The following S100A10 variants were observed in gnomAD, a reference collection of about 807,000 sequenced individuals.
S100A10 encodes protein S100-A10.
Under a neutral mutation model 7.1 loss-of-function variants are expected in S100A10, and 3 were observed. That is an observed-to-expected ratio of 0.42 (90% CI 0.19 to 1.10). The LOEUF (loss-of-function observed/expected upper bound fraction) is 1.10. Ranked by LOEUF, S100A10 falls within the 50% of genes least tolerant of loss-of-function variation. S100A10 has a pLI of 0.29. For synonymous variants in S100A10, 41 were observed against 39.3 expected (o/e 1.04, Z -0.16); for missense variants, 101 against 118.1 (o/e 0.86, Z 0.67).
intron 1 of S100A10, among the ~76,000 whole-genome samples, chr1:151,990,275 T>C (rs1655878757): frequency 6.6e-6 from 1 of 152,258 alleles, no homozygotes; most frequent in Admixed American, 6.5e-5. Flanking sequence ...ATATGTGTCC[T>C]GCTAAACAGG....
Position 151,986,050 on chromosome 1 carries a change from G to C in S100A10, c.132+49C>G. 3 of 1,518,134 alleles carry C rather than the reference G, an allele frequency of 2.0e-6. No homozygotes were observed. The South Asian group carries it at 4.0e-5, about 20-fold the overall frequency. The allele number at this position is 1,518,134 out of a possible 1,614,324, so 94.0% of individuals were successfully genotyped here. A position where few individuals can be genotyped will look rare whatever the true frequency, so the allele number is the denominator to read the frequency against. Reference sequence around the variant, plus strand: ...AAGAAGGAAAAGGAACCAAGGCCTAGAAGCATTGACTTTTATGTCTGGTTC... The same window carrying C: ...AAGAAGGAAAAGGAACCAAGGCCTACAAGCATTGACTTTTATGTCTGGTTC... On this transcript the variant is annotated intron_variant, in intron 2 of 2. Coordinates refer to ENST00000368811, the MANE Select transcript of S100A10 (RefSeq NM_002966.3).
intron 1 of S100A10, among the ~76,000 whole-genome samples, chr1:151,989,313 A>G (rs1168890379): frequency 6.6e-6 from 1 of 151,866 alleles, no homozygotes; most frequent in Non-Finnish European, 1.5e-5. Flanking sequence ...TCCTTCTCCC[A>G]CTTGGTCTTC....
At position 151,993,416 on chromosome 1, in the gene S100A10, A is replaced by G. The variant is rs1195911866; in HGVS notation, c.-22+336T>C. Among the ~76,000 whole-genome samples, 2 of 152,092 alleles carry G rather than the reference A, an allele frequency of 1.3e-5. No individual in the cohort carries two copies. The highest frequency in any genetic ancestry group is 1.3e-4 in the Admixed American group (2 of 15,268). On this transcript the variant is annotated intron_variant, in intron 1 of 2. Coordinates refer to ENST00000368811, the MANE Select transcript of S100A10 (RefSeq NM_002966.3). The surrounding 1 kb of genome is among the most constrained non-coding windows in gnomAD (Gnocchi z 5.1). ...TTCGGTAACCCGAGAGACGAGTGGG[A>G]AAGTAGGAAAGGTGGGAGTAAAGCA...
intron 1 of S100A10, among the ~76,000 whole-genome samples, chr1:151,992,324 A>T (rs950663577): frequency 1.3e-5 from 2 of 152,198 alleles, no homozygotes; most frequent in African/African-American, 4.8e-5. Flanking sequence ...CTTCTGGGGA[A>T]AAATATCCGC....
intron 1 of S100A10, among the ~76,000 whole-genome samples, chr1:151,987,538 C>CTTT (rs11383937): frequency 1.4e-4 from 16 of 116,306 alleles, no homozygotes; most frequent in South Asian, 2.8e-4. Flanking sequence ...TATATGTATT[C>CTTT]TTTTTTTTTT....
At chr1:151,984,585 C>T (rs1029860964) in intron 2 of S100A10, among the ~76,000 whole-genome samples, 3 of 152,132 alleles carry the variant, frequency 2.0e-5, no homozygotes, top group African/African-American at 7.2e-5. Flanking sequence ...ACTACATATA[C>T]CCTTTATGTG....
intron 1 of S100A10, among the ~76,000 whole-genome samples, chr1:151,991,613 C>T (rs1655904303): frequency 6.6e-6 from 1 of 152,146 alleles, no homozygotes; most frequent in South Asian, 2.1e-4. Flanking sequence ...TTTGTTGAGT[C>T]CCCAGAAAAA....
intron 2 of S100A10, 86 bp from the exon 3 acceptor site, chr1:151,983,410 T>C: frequency 1.3e-6 from 1 of 743,314 alleles, no homozygotes. Context: ...GAGAACTGTG[T>C]ATATATCTCC....
At chr1:151,985,308 T>C (rs1156576998) in intron 2 of S100A10, 3 of 152,206 alleles carry the variant, frequency 2.0e-5, no homozygotes, top group Non-Finnish European at 2.9e-5. Context: ...GCACCTTCAG[T>C]TGAATTCAAC....
Position 151,983,277 on chromosome 1 carries a change from G to C in S100A10, c.180C>G (p.Asp60Glu), listed in dbSNP as rs142923959. ...AGCCCACTTTGCCATCTCTACACTG[G>C]TCCAGGTCCTTCATTATTTTGTCCA... Reference protein sequence around the residue: ...LAVDKIMKDLDQCRDGKVGFQ... With the variant: ...LAVDKIMKDLEQCRDGKVGFQ... The change falls in exon 3 of 3, where the codon GAC (aspartate) becomes GAG (glutamate). Residue 60 changes from aspartate (D) to glutamate (E), a missense_variant. Physicochemically the swap from Asp to Glu is conservative, Grantham distance 45. Transcript: ENST00000368811. 4,236 of 1,584,636 alleles carry C rather than the reference G, an allele frequency of 2.7e-3. 9 individuals carry two copies. Among genetic ancestry groups the C allele is most frequent in the Non-Finnish European group, 3.1e-3 (3,651 of 1,170,466 alleles).
chr1:151,991,986 C>CA (rs1287661845), intron 1 of S100A10, among the ~76,000 whole-genome samples: 5 of 151,894 alleles, frequency 3.3e-5, no homozygotes, highest in African/African-American at 1.2e-4. Flanking sequence ...CCCAGTAGAC[C>CA]AAAAAAATTG....
At position 151,990,045 on chromosome 1, in the gene S100A10, A is replaced by G. The variant is rs181072395; in HGVS notation, c.-22+3707T>C. 6.6e-5 allele frequency among the ~76,000 whole-genome samples: 10 copies of G among 152,356 alleles called. No homozygotes were observed. The East Asian group carries it at 9.6e-4, about 15-fold the overall frequency. On this transcript the variant is annotated intron_variant, in intron 1 of 2. Coordinates refer to ENST00000368811, the MANE Select transcript of S100A10 (RefSeq NM_002966.3). ...TCTGCTTTTATTCATGGAGCACTAT[A>G]TAACTGTTATGTGCATAAATGAACC...
At chr1:151,990,871 C>G (rs1026987703) in intron 1 of S100A10, among the ~76,000 whole-genome samples, 1 of 152,172 alleles carries the variant, frequency 6.6e-6, no homozygotes, top group Non-Finnish European at 1.5e-5. Flanking sequence ...CTCATAGAGC[C>G]TGCTCGATGA....
chr1:151,988,869 C>T (rs1227965436), intron 1 of S100A10, among the ~76,000 whole-genome samples: 4 of 152,112 alleles, frequency 2.6e-5, no homozygotes, highest in African/African-American at 4.8e-5. Flanking sequence ...GGGAGAAGGA[C>T]GTGGGATCCC....
At chr1:151,992,941 A>G (rs1216359884) in intron 1 of S100A10, among the ~76,000 whole-genome samples, 1 of 152,240 alleles carries the variant, frequency 6.6e-6, no homozygotes. Flanking sequence ...CAGGTGGTGA[A>G]CCAAGTACCA....
At chr1:151,986,895 T>C (rs1354545827) in intron 1 of S100A10, among the ~76,000 whole-genome samples, 3 of 152,194 alleles carry the variant, frequency 2.0e-5, no homozygotes, top group African/African-American at 7.2e-5. Context: ...TTTGGGTCCC[T>C]TGTTGGTAGA....
chr1:151,988,310 C>T (rs1332411571), intron 1 of S100A10, among the ~76,000 whole-genome samples: 1 of 152,074 alleles, frequency 6.6e-6, no homozygotes, highest in Non-Finnish European at 1.5e-5. Context: ...TGTAATATAG[C>T]ACTAAAAAAT....
Position 151,982,975 on chromosome 1 carries a change from CAA to C in S100A10, c.*186_*187del, listed in dbSNP as rs1381214229. ...AAGGGGATGCAAACAATACAAAAATCAAAAGCTTATCTGGTATTTAACTTTTC... is the reference window on the plus strand; with the variant it reads ...AAGGGGATGCAAACAATACAAAAATCAAGCTTATCTGGTATTTAACTTTTC... On this transcript the variant is annotated 3_prime_UTR_variant, in exon 3 of 3. Transcript: ENST00000368811. 3 of 447,098 alleles carry C rather than the reference CAA, an allele frequency of 6.7e-6. No individual in the cohort carries two copies. The highest frequency in any genetic ancestry group is 1.2e-5 in the Non-Finnish European group (3 of 253,480). 27.7% of individuals were successfully genotyped at this position (447,098 alleles called of 1,614,324 possible).
At chr1:151,987,106 GGCTCACTGCAACCTCCGCCTCCCA>G (rs1308227699) in intron 1 of S100A10, among the ~76,000 whole-genome samples, 2 of 115,448 alleles carry the variant, frequency 1.7e-5, no homozygotes, top group African/African-American at 6.7e-5. Flanking sequence ...TTGTGATCTT[GGCTCACTGCAACCTCCGCCTCCCA>G]GGTAGCTGGG....
Sources: allele counts gnomAD v4.1 joint callset (sites outside exome capture counted in the v4.1 genomes callset), GRCh38; gene constraint gnomAD v4.1.1; non-coding constraint Gnocchi (gnomAD v3.1); transcripts MANE v1.5; gene names NCBI Gene and HGNC (gene_info 2026-07-23, HGNC 2026-07-21).